CA5A: variants seen among roughly 807,000 people sequenced by gnomAD.
CA5A encodes carbonic anhydrase 5A, mitochondrial.
CA5A carries 28 observed loss-of-function variants against 37.1 expected under a neutral mutation model. The ratio of observed to expected loss-of-function variants is 0.75; its 90% confidence interval spans 0.56 to 1.03. CA5A has a LOEUF of 1.03. Among genes scored for constraint, CA5A ranks in the 50% least tolerant of loss-of-function variants. The pLI is 0.00. For missense variants in CA5A, 444 were observed against 399.9 expected (o/e 1.11, Z -0.94); for synonymous variants, 171 against 158.4 (o/e 1.08, Z -0.60).
chr16:87,910,654 T>C (rs1395040235), intron 2 of CA5A, among the ~76,000 whole-genome samples: 1 of 152,086 alleles, frequency 6.6e-6, no homozygotes, highest in African/African-American at 2.4e-5. Context: ...CTCGGCTCAC[T>C]TCAACCTCTG....
chr16:87,901,788 T>G, intron 5 of CA5A, 124 bp downstream of exon 5: 1 of 654,384 alleles, frequency 1.5e-6, no homozygotes, highest in Non-Finnish European at 2.8e-6. Flanking sequence ...GGTTTCTCCA[T>G]GTTGGTCAGG....
At chr16:87,908,466 C>A (rs529516127) in intron 2 of CA5A, among the ~76,000 whole-genome samples, 1 of 152,316 alleles carries the variant, frequency 6.6e-6, no homozygotes, top group South Asian at 2.1e-4. Flanking sequence ...GGTCCCAGCT[C>A]AAGCACCCTA....
At chr16:87,895,386 A>G (rs1271727280) in intron 5 of CA5A, among the ~76,000 whole-genome samples, 1 of 152,160 alleles carries the variant, frequency 6.6e-6, no homozygotes, top group Non-Finnish European at 1.5e-5. Context: ...TCTCTACTAA[A>G]AATACAAAAT....
At chr16:87,900,116 A>C (rs1200680790) in intron 5 of CA5A, among the ~76,000 whole-genome samples, 5 of 152,076 alleles carry the variant, frequency 3.3e-5, no homozygotes, top group African/African-American at 1.2e-4. Context: ...AATGCTCCAG[A>C]ACCTTCCCCG....
chr16:87,906,444 G>A lies in CA5A; in HGVS notation c.341-1540C>T, dbSNP rs1442629857. On this transcript the variant is annotated intron_variant, in intron 2 of 6. Coordinates refer to ENST00000649794, the MANE Select transcript of CA5A (RefSeq NM_001739.2). ...GGAGTTAGAGACCAGCCTGGCCAAC[G>A]TGGTGTAACCCATCTCTACTGAAAA... Among the ~76,000 whole-genome samples, 5 of 151,666 alleles carry A rather than the reference G, an allele frequency of 3.3e-5. No homozygotes were observed. The East Asian group carries it at 5.8e-4, about 18-fold the overall frequency.
At chr16:87,924,071 T>C (rs2056267785) in intron 2 of CA5A, 1 of 985,310 alleles carries the variant, frequency 1.0e-6, no homozygotes, top group African/African-American at 1.7e-5. Context: ...ACTGAATAAA[T>C]GAATGCAAAA....
At chr16:87,936,207 A>G (rs1219488134) in intron 1 of CA5A, 102 bp downstream of exon 1, 65 of 742,304 alleles carry the variant, frequency 8.8e-5, no homozygotes, top group Non-Finnish European at 1.3e-4. Context: ...GGAAATCTGA[A>G]CCCATCTGGC....
chr16:87,913,956 C>G (rs372703553), intron 2 of CA5A, among the ~76,000 whole-genome samples: 1 of 152,320 alleles, frequency 6.6e-6, no homozygotes. Flanking sequence ...CCACAAGAGG[C>G]GTGGGGAGCG....
At chr16:87,925,969 C>A (rs2056301930) in intron 2 of CA5A, among the ~76,000 whole-genome samples, 1 of 152,158 alleles carries the variant, frequency 6.6e-6, no homozygotes. Flanking sequence ...ACGCCTGTAA[C>A]CCCAGCACTT....
chr16:87,903,044 GA>G (rs1281457262), intron 3 of CA5A, among the ~76,000 whole-genome samples: 4 of 152,248 alleles, frequency 2.6e-5, no homozygotes, highest in Admixed American at 2.0e-4. Context: ...GGTGGGGGGG[GA>G]AAGGAGAGGA....
chr16:87,899,897 G>A (rs1195778056), intron 5 of CA5A, among the ~76,000 whole-genome samples: 2 of 124,506 alleles, frequency 1.6e-5, no homozygotes, highest in African/African-American at 3.2e-5. Flanking sequence ...TCCAGCCTGG[G>A]CAACAGAGCG....
chr16:87,913,303 G>GTATTTTTTT, intron 2 of CA5A, among the ~76,000 whole-genome samples: 1 of 108,692 alleles, frequency 9.2e-6, no homozygotes, highest in African/African-American at 5.2e-5. Flanking sequence ...GAATGTTCCA[G>GTATTTTTTT]TCTTTTTTTT....
chr16:87,935,364 GTTTA>G (rs1351752050), intron 1 of CA5A, among the ~76,000 whole-genome samples: 1 of 152,208 alleles, frequency 6.6e-6, no homozygotes, highest in Non-Finnish European at 1.5e-5. Flanking sequence ...TGGCTGAGTG[GTTTA>G]TTTGTTACAG....
At chr16:87,914,134 A>G (rs2056094501) in intron 2 of CA5A, among the ~76,000 whole-genome samples, 1 of 152,210 alleles carries the variant, frequency 6.6e-6, no homozygotes, top group Non-Finnish European at 1.5e-5. Flanking sequence ...TGCTGAGAGA[A>G]AACTGCAGCC....
At chr16:87,893,805 CT>C in intron 5 of CA5A, 1 of 351,370 alleles carries the variant, frequency 2.8e-6, no homozygotes, top group Non-Finnish European at 5.6e-6. Flanking sequence ...CAGGGTCTTA[CT>C]TTGTCACCCA....
chr16:87,884,287 A>C (rs984910212), downstream of CA5A: 22 of 136,586 alleles, frequency 1.6e-4, no homozygotes, highest in African/African-American at 5.8e-4. Flanking sequence ...AAAAAAAAAG[A>C]CTGGGCACAG....
At position 87,888,328 on chromosome 16, in the gene CA5A, C is replaced by T. The variant is rs117491696; in HGVS notation, c.775-56G>A. 1.9e-4 allele frequency: 288 copies of T among 1,524,756 alleles called. 2 individuals carry two copies. The East Asian group carries it at 5.1e-3, about 27-fold the overall frequency. The allele number at this position is 1,524,756 out of a possible 1,614,324, so 94.5% of individuals were successfully genotyped here. On this transcript the variant is annotated intron_variant, in intron 6 of 6. Transcript: ENST00000649794. ...GTATGAGTGCAGGGTGAGCCAGCCT[C>T]TGGGTGTCCCTCAGGCCTTATGTGG...
chr16:87,890,403 G>A (rs1459412470), intron 6 of CA5A, among the ~76,000 whole-genome samples: 1 of 152,070 alleles, frequency 6.6e-6, no homozygotes, highest in Non-Finnish European at 1.5e-5. Flanking sequence ...TCACAGGCCC[G>A]GGAGACTGAA....
intron 5 of CA5A, among the ~76,000 whole-genome samples, chr16:87,898,708 G>C (rs538505757): frequency 6.6e-6 from 1 of 151,090 alleles, no homozygotes; most frequent in African/African-American, 2.4e-5. Context: ...ATTACATGGT[G>C]AGAATGCTGC....
Sources: gnomAD v4.1 joint callset for allele counts (sites outside exome capture counted in the v4.1 genomes callset) on GRCh38, gnomAD v4.1.1 for gene constraint, MANE v1.5 for transcripts, NCBI Gene and HGNC (gene_info 2026-07-23, HGNC 2026-07-21) for gene names.